The following MCU variants were observed in gnomAD, a reference collection of about 807,000 sequenced individuals.
MCU encodes the protein mitochondrial calcium uniporter, also known as calcium uniporter protein, mitochondrial.
In MCU, 12 loss-of-function variants were observed where a neutral mutation model predicts 45.2. The observed-to-expected ratio is 0.27, with a 90% CI of 0.17 to 0.43. The LOEUF (loss-of-function observed/expected upper bound fraction) is 0.43, where lower values mean the gene tolerates loss of function less well. Among genes scored for constraint, MCU ranks in the 20% least tolerant of loss-of-function variants. The pLI is 1.00. For synonymous variants in MCU, 160 were observed against 165.1 expected (o/e 0.97, Z 0.24); for missense variants, 324 against 436.7 (o/e 0.74, Z 2.30).
chr10:72,794,906 C>T (rs926987595), intron 1 of MCU, among the ~76,000 whole-genome samples: 1 of 152,044 alleles, frequency 6.6e-6, no homozygotes, highest in Non-Finnish European at 1.5e-5. Flanking sequence ...AAGGTTCATT[C>T]TGGATTTTAT....
chr10:72,770,220 G>A (rs927538816), intron 1 of MCU, among the ~76,000 whole-genome samples: 3 of 151,976 alleles, frequency 2.0e-5, no homozygotes, highest in African/African-American at 7.2e-5. Context: ...CCTAGCATGT[G>A]ATGTCTTATA....
intron 1 of MCU, among the ~76,000 whole-genome samples, chr10:72,777,997 A>T (rs1216531357): frequency 6.6e-6 from 1 of 152,192 alleles, no homozygotes; most frequent in African/African-American, 2.4e-5. Context: ...ATCCCAGTTA[A>T]AATGTTTTGT....
At chr10:72,698,914 C>T (rs577822514) in intron 1 of MCU, among the ~76,000 whole-genome samples, 12 of 152,214 alleles carry the variant, frequency 7.9e-5, no homozygotes, top group South Asian at 2.1e-4. Context: ...AGTGATCCTC[C>T]GACCTCAGCC....
chr10:72,696,044 C>T (rs1301731476), intron 1 of MCU, among the ~76,000 whole-genome samples: 3 of 150,976 alleles, frequency 2.0e-5, no homozygotes, highest in African/African-American at 7.3e-5. Context: ...CGCCTGTAGT[C>T]CCAGCTACTC....
chr10:72,875,687 T>A (rs1342419012), intron 6 of MCU, among the ~76,000 whole-genome samples: 1 of 152,260 alleles, frequency 6.6e-6, no homozygotes, highest in Non-Finnish European at 1.5e-5. Flanking sequence ...CAATAGTATG[T>A]TAAGTTCCAA....
chr10:72,861,047 C>G (rs184817058), intron 4 of MCU, among the ~76,000 whole-genome samples: 2 of 151,896 alleles, frequency 1.3e-5, no homozygotes, highest in Non-Finnish European at 1.5e-5. Flanking sequence ...TTTTTTGAGA[C>G]AAGATCTCAC....
intron 4 of MCU, among the ~76,000 whole-genome samples, chr10:72,866,311 C>T (rs190434578): frequency 1.3e-5 from 2 of 152,214 alleles, no homozygotes; most frequent in Admixed American, 6.5e-5. Context: ...TTCCTCTGCC[C>T]CGTGTTGCAA....
chr10:72,839,701 C>T (rs1311143771), intron 2 of MCU, among the ~76,000 whole-genome samples: 2 of 151,788 alleles, frequency 1.3e-5, no homozygotes, highest in Admixed American at 6.6e-5. Context: ...CACCTGTAAT[C>T]CCAGCACTTT....
At chr10:72,784,670 T>C (rs567023382) in intron 1 of MCU, among the ~76,000 whole-genome samples, 147 of 152,218 alleles carry the variant, frequency 9.7e-4, no homozygotes, top group African/African-American at 3.4e-3. Context: ...AAGGGAACAG[T>C]CTCCTCATTT....
intron 1 of MCU, among the ~76,000 whole-genome samples, chr10:72,777,694 A>G (rs1411982360): frequency 2.6e-5 from 4 of 152,208 alleles, no homozygotes; most frequent in Non-Finnish European, 2.9e-5. Context: ...AAAAATAGGT[A>G]TGGAATTACA....
At chr10:72,787,865 C>T (rs952814809) in intron 1 of MCU, among the ~76,000 whole-genome samples, 3 of 150,758 alleles carry the variant, frequency 2.0e-5, no homozygotes, top group Admixed American at 6.6e-5. Flanking sequence ...ATTACAGGTG[C>T]GCCACCACAC....
At chr10:72,739,667 A>G (rs1393657659) in intron 1 of MCU, among the ~76,000 whole-genome samples, 2 of 151,882 alleles carry the variant, frequency 1.3e-5, no homozygotes, top group African/African-American at 4.8e-5. Flanking sequence ...TAGGCTTGGT[A>G]TATGAAGTTA....
intron 5 of MCU, among the ~76,000 whole-genome samples, chr10:72,871,096 C>T (rs1057173657): frequency 2.0e-5 from 3 of 151,988 alleles, no homozygotes; most frequent in East Asian, 1.9e-4. Flanking sequence ...GATGGGATTT[C>T]GCCATGTCGC....
chr10:72,807,891 T>G (rs1240218033), intron 1 of MCU, among the ~76,000 whole-genome samples: 1 of 152,260 alleles, frequency 6.6e-6, no homozygotes, highest in Non-Finnish European at 1.5e-5. Context: ...AATTGATTTC[T>G]GTCCAGATTC....
At chr10:72,831,306 A>C (rs1181943539) in intron 1 of MCU, among the ~76,000 whole-genome samples, 3 of 152,196 alleles carry the variant, frequency 2.0e-5, no homozygotes, top group African/African-American at 7.2e-5. Context: ...TGATACATAG[A>C]TACGTAGGTT....
In MCU at chr10:72,750,473, C is replaced by G. The variant is rs376282290; in HGVS notation, c.150+58172C>G. ...TGATTTTTAAGAGCGTTGTTCAGTA[C>G]GCTTATTTAGGCTTCTTGTTAACCA... On this transcript the variant is annotated intron_variant, in intron 1 of 7. Coordinates refer to ENST00000373053, the MANE Select transcript of MCU (RefSeq NM_138357.3). Among the ~76,000 whole-genome samples the G allele has an allele frequency of 3.2e-4, 49 of 152,242 alleles. No homozygotes were observed. The South Asian group carries it at 9.3e-3, about 29-fold the overall frequency.
intron 2 of MCU, among the ~76,000 whole-genome samples, chr10:72,855,935 G>A (rs1236628378): frequency 6.6e-6 from 1 of 152,154 alleles, no homozygotes; most frequent in African/African-American, 2.4e-5. Flanking sequence ...ACAAAGGCTT[G>A]TATGCAAATA....
At chr10:72,801,540 ACT>A (rs1844341420) in intron 1 of MCU, among the ~76,000 whole-genome samples, 3 of 151,340 alleles carry the variant, frequency 2.0e-5, no homozygotes, top group South Asian at 2.1e-4. Flanking sequence ...GCTTGGACTG[ACT>A]CTGACCCACA....
intron 1 of MCU, among the ~76,000 whole-genome samples, chr10:72,785,423 G>T (rs1276063924): frequency 6.6e-6 from 1 of 152,170 alleles, no homozygotes; most frequent in Non-Finnish European, 1.5e-5. Flanking sequence ...TTTCAAAAAT[G>T]TGCATAATAG....
Sources: allele counts gnomAD v4.1 joint callset (sites outside exome capture counted in the v4.1 genomes callset), GRCh38; gene constraint gnomAD v4.1.1; transcripts MANE v1.5; gene names NCBI Gene and HGNC (gene_info 2026-07-23, HGNC 2026-07-21).